EPHA6: variants seen among roughly 807,000 people sequenced by gnomAD.
The protein encoded by EPHA6 is ephrin type-A receptor 6.
Under a neutral mutation model 112.0 loss-of-function variants are expected in EPHA6, and 50 were observed. The ratio of observed to expected loss-of-function variants is 0.45; its 90% CI spans 0.36 to 0.56. EPHA6 has a LOEUF of 0.56. Among genes scored for constraint, EPHA6 ranks in the 20% least tolerant of loss-of-function variants. The probability of loss-of-function intolerance (pLI) is 0.00; values close to 1 mark genes in which losing one functional copy is unlikely to be tolerated. For synonymous variants in EPHA6, 529 were observed against 490.7 expected (o/e 1.08, Z -1.03); for missense variants, 1,280 against 1,417.4 (o/e 0.90, Z 1.56).
intron 14 of EPHA6, among the ~76,000 whole-genome samples, chr3:97,692,605 T>A (rs2032742115): frequency 6.6e-6 from 1 of 152,198 alleles, no homozygotes; most frequent in East Asian, 1.9e-4. Context: ...TTTATGTGAT[T>A]TACAGTGCCT....
At chr3:97,253,685 A>G (rs771817737) in intron 5 of EPHA6, among the ~76,000 whole-genome samples, 71 of 152,024 alleles carry the variant, frequency 4.7e-4, no homozygotes, top group Non-Finnish European at 6.9e-4. Flanking sequence ...GTTGTTTTTC[A>G]TTTTGTTTTT....
intron 11 of EPHA6, chr3:97,570,048 T>C (rs1560148063): frequency 6.6e-6 from 1 of 152,222 alleles, no homozygotes; most frequent in Non-Finnish European, 1.5e-5. Context: ...CAGGTTGTAC[T>C]ACTAATTTTT....
At chr3:97,248,763 C>T (rs1009324361) in intron 5 of EPHA6, among the ~76,000 whole-genome samples, 14 of 152,152 alleles carry the variant, frequency 9.2e-5, no homozygotes, top group Middle Eastern at 6.8e-3. Context: ...ATTAAACTGA[C>T]ATTGAAAATA....
chr3:97,290,486 T>C (rs1433553646), intron 5 of EPHA6, among the ~76,000 whole-genome samples: 1 of 152,144 alleles, frequency 6.6e-6, no homozygotes, highest in Admixed American at 6.5e-5. Flanking sequence ...CATCCAGAAT[T>C]TCGTTAGTTT....
chr3:97,260,571 G>T (rs964756242), intron 5 of EPHA6, among the ~76,000 whole-genome samples: 2 of 152,120 alleles, frequency 1.3e-5, no homozygotes, highest in Admixed American at 1.3e-4. Context: ...TTGCTTTTGG[G>T]GATTGTTCTT....
rs759577944 is a variant in EPHA6 at position 96,987,643 on chromosome 3, A to G, written c.764A>G (p.Asp255Gly). Residue 255 changes from aspartate to glycine, a missense_variant, in exon 3 of 18, where the codon GAT (aspartate) becomes GGT (glycine). Transcript: ENST00000389672. ...GCTGATGAGAGTTTTACCCAGATGGATTTGGGTGATCGCATCCTCAAACTC... is the reference window on the plus strand; with the variant it reads ...GCTGATGAGAGTTTTACCCAGATGGGTTTGGGTGATCGCATCCTCAAACTC... ...IAADESFTQMDLGDRILKLNT... is the reference protein window; with the variant it reads ...IAADESFTQMGLGDRILKLNT... 2 of 1,609,608 alleles carry G rather than the reference A, an allele frequency of 1.2e-6. No homozygotes were observed. Among genetic ancestry groups the G allele is most frequent in the Admixed American group, 1.7e-5 (1 of 59,838 alleles).
chr3:97,264,431 A>G (rs1454719415), intron 5 of EPHA6, among the ~76,000 whole-genome samples: 1 of 152,236 alleles, frequency 6.6e-6, no homozygotes, highest in African/African-American at 2.4e-5. Context: ...GGTGCACTGC[A>G]TGTAGCTCCT....
intron 3 of EPHA6, among the ~76,000 whole-genome samples, chr3:97,145,545 A>G (rs2076022558): frequency 6.6e-6 from 1 of 151,526 alleles, no homozygotes; most frequent in Non-Finnish European, 1.5e-5. Context: ...GTTAAAAAAA[A>G]AAACATTTTA....
chr3:97,480,858 C>T (rs977671002), intron 9 of EPHA6, among the ~76,000 whole-genome samples: 7 of 150,506 alleles, frequency 4.7e-5, no homozygotes, highest in Non-Finnish European at 8.9e-5. Flanking sequence ...CGGGCAGAGG[C>T]GCTCCTCATA....
chr3:97,168,497 T>C (rs1424401968), intron 3 of EPHA6, among the ~76,000 whole-genome samples: 1 of 151,920 alleles, frequency 6.6e-6, no homozygotes, highest in African/African-American at 2.4e-5. Flanking sequence ...CACGTGTCCA[T>C]GTTCTCTTTT....
chr3:97,751,948 G>GA lies in EPHA6; in HGVS notation c.*3253dup, dbSNP rs577913324. ...TATCTCATAGTAGAAGGCATATTTG[G>GA]AAAAAATGTGAAAACAATGTACAAT... On this transcript the variant is annotated 3_prime_UTR_variant, in exon 18 of 18. Transcript: ENST00000389672. 2.6e-3 allele frequency among the ~76,000 whole-genome samples: 399 copies of GA among 152,104 alleles called. 1 individual carries two copies. Among genetic ancestry groups the GA allele is most frequent in the Non-Finnish European group, 4.6e-3 (315 of 67,932 alleles).
chr3:96,872,419 C>T (rs1000959650), intron 2 of EPHA6, among the ~76,000 whole-genome samples: 1 of 152,074 alleles, frequency 6.6e-6, no homozygotes, highest in East Asian at 1.9e-4. Context: ...TGTCTCCTCT[C>T]CTCTTCCTTG....
chr3:97,492,094 AT>A (rs2091853553), intron 10 of EPHA6, among the ~76,000 whole-genome samples: 1 of 151,978 alleles, frequency 6.6e-6, no homozygotes, highest in South Asian at 2.1e-4. Flanking sequence ...GTGAATCATT[AT>A]TTTTTCAAGC....
intron 6 of EPHA6, among the ~76,000 whole-genome samples, chr3:97,443,418 G>A (rs1026429094): frequency 1.3e-5 from 2 of 150,454 alleles, no homozygotes; most frequent in African/African-American, 4.9e-5. Flanking sequence ...ATAGCACTTG[G>A]ACCTATTCCT....
chr3:97,012,607 G>GTGTATATATATA (rs368002096), intron 3 of EPHA6, among the ~76,000 whole-genome samples: 4 of 132,114 alleles, frequency 3.0e-5, no homozygotes, highest in African/African-American at 1.3e-4. Context: ...GTGTGTGTGT[G>GTGTATATATATA]TATATATATA....
At chr3:97,223,803 T>A (rs1048004198) in intron 3 of EPHA6, among the ~76,000 whole-genome samples, 2 of 152,204 alleles carry the variant, frequency 1.3e-5, no homozygotes, top group Admixed American at 1.3e-4. Flanking sequence ...CAGGGCCAAA[T>A]CATGGGCAAC....
At chr3:97,570,596 G>A (rs1306054687) in intron 11 of EPHA6, among the ~76,000 whole-genome samples, 1 of 152,046 alleles carries the variant, frequency 6.6e-6, no homozygotes, top group Non-Finnish European at 1.5e-5. Flanking sequence ...TGGGCATGGT[G>A]GCAGGCACCT....
rs191455021 is a variant in EPHA6 at position 97,142,004 on chromosome 3, A to G, written c.1115-84260A>G. 1.5e-3 allele frequency among the ~76,000 whole-genome samples: 234 copies of G among 152,092 alleles called. 2 individuals are homozygous for G. The highest frequency in any genetic ancestry group is 0.014 in the Admixed American group (214 of 15,270). On this transcript the variant is annotated intron_variant, in intron 3 of 17. Transcript: ENST00000389672. ...TATTATTTTTGCATCACTCTAATAT[A>G]TTGACTTTGGAAACAAGACATCATT...
At position 97,491,193 on chromosome 3, in the gene EPHA6, C is replaced by T. The variant is rs191155590; in HGVS notation, c.2200+7134C>T. ...CTGAAGGGAAGGGATCACACAAGGA[C>T]AGGAATACCAGGATGCAGGGATCAT... On this transcript the variant is annotated intron_variant, in intron 10 of 17. Transcript: ENST00000389672. Among the ~76,000 whole-genome samples, 427 of 152,284 alleles carry T rather than the reference C, an allele frequency of 2.8e-3. 4 individuals carry two copies. The highest frequency in any genetic ancestry group is 0.01 in the African/African-American group (416 of 41,554).
Sources: gnomAD v4.1 joint callset for allele counts (sites outside exome capture counted in the v4.1 genomes callset) on GRCh38, gnomAD v4.1.1 for gene constraint, MANE v1.5 for transcripts, NCBI Gene and HGNC (gene_info 2026-07-23, HGNC 2026-07-21) for gene names.